The following SYCP1 variants were observed in gnomAD, a reference collection of about 807,000 sequenced individuals.
SYCP1 encodes the protein cancer/testis antigen 8.
SYCP1 carries 64 observed loss-of-function variants against 153.1 expected under a neutral mutation model. The observed-to-expected ratio is 0.42, with a 90% CI of 0.34 to 0.51. The LOEUF (loss-of-function observed/expected upper bound fraction) is 0.51. Among genes scored for constraint, SYCP1 ranks in the 20% least tolerant of loss-of-function variants. SYCP1 has a pLI of 0.06. For synonymous variants in SYCP1, 384 were observed against 341.8 expected, an observed-to-expected ratio of 1.12 and a Z score of -1.36; for missense variants, 997 against 1,049.0, an observed-to-expected ratio of 0.95 and a Z score of 0.68.
chr1:114,905,795 T>C (rs1667770610), intron 16 of SYCP1, among the ~76,000 whole-genome samples: 1 of 152,196 alleles, frequency 6.6e-6, no homozygotes. Flanking sequence ...TAATCTTGAA[T>C]GATTTTGGTA....
chr1:114,899,317 T>C (rs1283172733), intron 16 of SYCP1, among the ~76,000 whole-genome samples: 9 of 152,192 alleles, frequency 5.9e-5, no homozygotes, highest in Non-Finnish European at 1.2e-4. Flanking sequence ...AATGTTTCCT[T>C]TACTCTGAAA....
Position 114,897,690 on chromosome 1 carries a change from G to A in SYCP1, c.1320+2181G>A, listed in dbSNP as rs116345911. On this transcript the variant is annotated intron_variant, in intron 16 of 31. Transcript: ENST00000369522. The stretch of plus-strand genomic sequence containing the variant: ...GAAAAAACAAGGTTTTTTTCCAAAG[G>A]AGTCCCAGGAGTTCAGGATGCATTT... 4.9e-3 allele frequency among the ~76,000 whole-genome samples: 744 copies of A among 152,224 alleles called. 8 individuals carry two copies. Among genetic ancestry groups the A allele is most frequent in the African/African-American group, 0.017 (696 of 41,548 alleles).
intron 2 of SYCP1, among the ~76,000 whole-genome samples, chr1:114,856,000 A>G (rs1663912693): frequency 6.6e-6 from 1 of 152,196 alleles, no homozygotes; most frequent in Non-Finnish European, 1.5e-5. Context: ...TTCCTAGTGG[A>G]TAGGGCAAAG....
chr1:114,868,282 G>A (rs1395431915), intron 8 of SYCP1, among the ~76,000 whole-genome samples: 1 of 151,968 alleles, frequency 6.6e-6, no homozygotes, highest in South Asian at 2.1e-4. Flanking sequence ...GAGACTATAG[G>A]TGTGTGCCAC....
At chr1:114,866,796 G>A (rs1664776596) in intron 8 of SYCP1, among the ~76,000 whole-genome samples, 2 of 150,692 alleles carry the variant, frequency 1.3e-5, no homozygotes, top group Admixed American at 6.6e-5. Context: ...GATCATCCAG[G>A]TTTTCTCCTA....
chr1:114,862,445 G>T (rs944161380), intron 8 of SYCP1, among the ~76,000 whole-genome samples: 1 of 151,758 alleles, frequency 6.6e-6, no homozygotes, highest in African/African-American at 2.4e-5. Flanking sequence ...CACCCCTAGG[G>T]TTCAAGTGAT....
At position 114,923,429 on chromosome 1, in the gene SYCP1, A is replaced by T; in HGVS notation, c.1719-20A>T. 6.4e-7 allele frequency: 1 copy of T among 1,550,860 alleles called. No individual in the cohort carries two copies. The highest frequency in any genetic ancestry group is 8.7e-7 in the Non-Finnish European group (1 of 1,142,866). ...GCCTAATAATTTTTAGTATAATGTC[A>T]CTCTTCCATTTTCTTTTAGAAATGA... On this transcript the variant is annotated intron_variant, in intron 20 of 31. Coordinates refer to ENST00000369522, the MANE Select transcript of SYCP1 (RefSeq NM_003176.4).
chr1:114,948,347 G>T (rs548181818), intron 27 of SYCP1, among the ~76,000 whole-genome samples: 1 of 152,014 alleles, frequency 6.6e-6, no homozygotes, highest in African/African-American at 2.4e-5. Flanking sequence ...TTTGACAGAG[G>T]TTACATTATT....
chr1:114,895,853 G>A (rs540477734), intron 16 of SYCP1, among the ~76,000 whole-genome samples: 2 of 152,168 alleles, frequency 1.3e-5, no homozygotes, highest in African/African-American at 4.8e-5. Flanking sequence ...TATATATTCA[G>A]TACCTATATT....
At chr1:114,990,247 G>A (rs1673833961) in intron 30 of SYCP1, among the ~76,000 whole-genome samples, 1 of 151,852 alleles carries the variant, frequency 6.6e-6, no homozygotes, top group African/African-American at 2.4e-5. Flanking sequence ...GCCAATCAGT[G>A]GGTCAAAGAA....
intron 15 of SYCP1, among the ~76,000 whole-genome samples, chr1:114,892,847 G>T (rs557557950): frequency 6.6e-6 from 1 of 151,940 alleles, no homozygotes; most frequent in Non-Finnish European, 1.5e-5. Flanking sequence ...AGATGCGGGG[G>T]TTTTTGGGCC....
chr1:114,910,453 A>G lies in SYCP1; in HGVS notation c.1377A>G (p.Glu459=). The G allele has an allele frequency of 6.2e-7, 1 of 1,605,350 alleles. No homozygotes were observed. Among genetic ancestry groups the G allele is most frequent in the Non-Finnish European group, 8.5e-7 (1 of 1,176,612 alleles). ...AACAATTTGAGAAGATTGCTGAAGA[A>G]TTAAAAGGAACAGAACAAGAACTAA... The part of the protein sequence containing the change: ...ENKQFEKIAE[E]LKGTEQELIG... The change falls in exon 17 of 32, where the codon GAA becomes GAG. Residue 459 remains glutamate (E), a synonymous_variant. Transcript: ENST00000369522.
chr1:114,951,656 C>T (rs1011596735), intron 27 of SYCP1, among the ~76,000 whole-genome samples: 2 of 152,108 alleles, frequency 1.3e-5, no homozygotes, highest in Non-Finnish European at 2.9e-5. Context: ...TCCCATGTAT[C>T]CTTTATTAAG....
chr1:114,877,826 T>G (rs1450904051), intron 11 of SYCP1, among the ~76,000 whole-genome samples: 1 of 152,170 alleles, frequency 6.6e-6, no homozygotes, highest in Non-Finnish European at 1.5e-5. Context: ...ACTTTTCCAT[T>G]ATATATACCC....
intron 21 of SYCP1, among the ~76,000 whole-genome samples, chr1:114,924,606 A>G (rs1445506857): frequency 6.6e-6 from 1 of 152,126 alleles, no homozygotes; most frequent in African/African-American, 2.4e-5. Context: ...AGGGAGGATA[A>G]TATTCTAAGT....
intron 8 of SYCP1, among the ~76,000 whole-genome samples, chr1:114,872,166 G>C (rs1447767978): frequency 6.6e-6 from 1 of 151,644 alleles, no homozygotes; most frequent in Admixed American, 6.6e-5. Context: ...TCTTTATAGA[G>C]ATCTGAATTT....
At chr1:114,906,747 T>C (rs1667833833) in intron 16 of SYCP1, among the ~76,000 whole-genome samples, 1 of 152,214 alleles carries the variant, frequency 6.6e-6, no homozygotes, top group Non-Finnish European at 1.5e-5. Flanking sequence ...GTTTGTTTTA[T>C]GTATCAGATA....
chr1:114,994,992 A>G lies in SYCP1; in HGVS notation c.2904A>G (p.Leu968=), dbSNP rs759677508. Residue 968 remains leucine, a synonymous_variant, in exon 32 of 32, where the codon CTA becomes CTG. Coordinates refer to ENST00000369522, the MANE Select transcript of SYCP1 (RefSeq NM_003176.4). ...CTAAAATGGATAGAAAAAAAAAACT[A>G]AAAGAAGCTGAAAAGTTATTTGTTT... ...VIAKMDRKKK[L]KEAEKLFV 1.9e-6 allele frequency: 3 copies of G among 1,600,916 alleles called. No individual in the cohort carries two copies. The highest frequency in any genetic ancestry group is 1.1e-5 in the South Asian group (1 of 89,010).
intron 23 of SYCP1, among the ~76,000 whole-genome samples, chr1:114,931,046 G>C (rs2101759233): frequency 6.6e-6 from 1 of 151,786 alleles, no homozygotes. Context: ...CTCAATAGTT[G>C]CAGAAAGGCA....
Sources: gnomAD v4.1 joint callset for allele counts (sites outside exome capture counted in the v4.1 genomes callset) on GRCh38, gnomAD v4.1.1 for gene constraint, MANE v1.5 for transcripts, NCBI Gene and HGNC (gene_info 2026-07-23, HGNC 2026-07-21) for gene names.